Variants in NUCB1 observed in about 807,000 individuals in gnomAD.
NUCB1 encodes nucleobindin 1.
In NUCB1, 47 loss-of-function variants were observed where a neutral mutation model predicts 61.2. That is an observed-to-expected ratio of 0.77 (90% CI 0.61 to 0.98). The LOEUF is 0.98. NUCB1 is among the 50% of genes least tolerant of loss of function. The pLI, the probability that NUCB1 is intolerant of heterozygous loss-of-function variation, is 0.00. For synonymous variants in NUCB1, 234 were observed against 243.1 expected, an observed-to-expected ratio of 0.96 and a Z score of 0.35; for missense variants, 583 against 605.3, an observed-to-expected ratio of 0.96 and a Z score of 0.39.
intron 10 of NUCB1, among the ~76,000 whole-genome samples, chr19:48,920,480 C>T (rs567288010): frequency 4.6e-5 from 7 of 152,230 alleles, no homozygotes; most frequent in African/African-American, 1.7e-4. Context: ...GCACATACCA[C>T]CATGCCCAGC....
chr19:48,918,864 C>T (rs1354517603), intron 8 of NUCB1, 80 bp downstream of exon 8: 3 of 1,418,330 alleles, frequency 2.1e-6, no homozygotes, highest in Non-Finnish European at 2.0e-6. Flanking sequence ...CCCTTAAATC[C>T]CCCTGGATGG....
chr19:48,913,968 CTTT>C (rs767741319), intron 7 of NUCB1, among the ~76,000 whole-genome samples: 4 of 139,286 alleles, frequency 2.9e-5, no homozygotes, highest in Admixed American at 7.3e-5. Context: ...TTTCTTTTTC[CTTT>C]TTTTTTTTTT....
Position 48,908,602 on chromosome 19 carries a change from C to T in NUCB1, c.377-2547C>T, listed in dbSNP as rs113495350. 8.7e-3 allele frequency among the ~76,000 whole-genome samples: 1,303 copies of T among 150,596 alleles called. 25 individuals are homozygous for T. The highest frequency in any genetic ancestry group is 0.03 in the African/African-American group (1,246 of 40,870). ...TCACTCCTCTGGGCTCAGCCAGGGCCGGAGCTGCCTCCACTGCAGCCTAGG... is the reference window on the plus strand; with the variant it reads ...TCACTCCTCTGGGCTCAGCCAGGGCTGGAGCTGCCTCCACTGCAGCCTAGG... On this transcript the variant is annotated intron_variant, in intron 4 of 12. Transcript: ENST00000405315.
chr19:48,922,072 G>C, intron 12 of NUCB1, 140 bp downstream of exon 12: 2 of 748,224 alleles, frequency 2.7e-6, no homozygotes, highest in South Asian at 3.7e-5. Context: ...AAGAGGGACT[G>C]GGGGTCCGGA....
intron 2 of NUCB1, 21 bp from the exon 3 acceptor site, chr19:48,904,326 T>C (rs1250877580): frequency 6.6e-7 from 1 of 1,516,874 alleles, no homozygotes; most frequent in Admixed American, 1.7e-5. Flanking sequence ...GGGGCTGCTA[T>C]GTCTGTCCTT....
Position 48,919,286 on chromosome 19 carries a change from G to C in NUCB1, c.1002G>C (p.Glu334Asp), listed in dbSNP as rs1416052496. 2.5e-6 allele frequency: 4 copies of C among 1,611,732 alleles called. No individual in the cohort carries two copies. Among genetic ancestry groups the C allele is most frequent in the Non-Finnish European group, 2.5e-6 (3 of 1,178,010 alleles). Reference sequence around the variant, plus strand: ...TTGGGGACACCGGGGAGGGCTGGGAGGTGAGAACATGGGGGATACTCGGGG... The same window carrying C: ...TTGGGGACACCGGGGAGGGCTGGGACGTGAGAACATGGGGGATACTCGGGG... The part of the protein sequence containing the change: ...KEFGDTGEGW[E>D]TVEMHPAYTE... The change falls in exon 10 of 13, where the codon GAG becomes GAC. Residue 334 changes from glutamate to aspartate, a missense_variant and splice_region_variant. Transcript: ENST00000405315.
Position 48,919,129 on chromosome 19 carries a change from T to C in NUCB1, c.909+7T>C. On this transcript the variant is annotated splice_region_variant and intron_variant, in intron 9 of 12. Coordinates refer to ENST00000405315, the MANE Select transcript of NUCB1 (RefSeq NM_006184.6). Reference sequence around the variant, plus strand: ...GGAGCATGTGATGAAGAATGTGAGGTGGGGGCCAGGCGGGGGAGAGGACGG... The same window carrying C: ...GGAGCATGTGATGAAGAATGTGAGGCGGGGGCCAGGCGGGGGAGAGGACGG... The C allele has an allele frequency of 6.2e-7, 1 of 1,613,728 alleles. No individual in the cohort carries two copies. The highest frequency in any genetic ancestry group is 1.1e-5 in the South Asian group (1 of 91,070).
intron 7 of NUCB1, among the ~76,000 whole-genome samples, chr19:48,916,194 G>GTT (rs2122198184): frequency 6.6e-6 from 1 of 152,116 alleles, no homozygotes; most frequent in South Asian, 2.1e-4. Context: ...GTGTGTGTGT[G>GTT]TGTGTTTGGC....
At chr19:48,915,075 A>G (rs1424238903) in intron 7 of NUCB1, among the ~76,000 whole-genome samples, 1 of 152,102 alleles carries the variant, frequency 6.6e-6, no homozygotes, top group African/African-American at 2.4e-5. Context: ...GCAACACTCC[A>G]TCTCAAAAAA....
chr19:48,900,674 T>C (rs531144171), intron 1 of NUCB1, 112 bp from the exon 2 acceptor site: 3 of 1,376,222 alleles, frequency 2.2e-6, no homozygotes, highest in South Asian at 2.7e-5. Flanking sequence ...AAAATGCTTG[T>C]GTCTTGATTC....
At chr19:48,915,007 G>A (rs149433333) in intron 7 of NUCB1, among the ~76,000 whole-genome samples, 5,268 of 152,174 alleles carry the variant, frequency 0.035, 135 homozygotes, top group Non-Finnish European at 0.055. Flanking sequence ...TTGAACCCGG[G>A]AGGCAGAGTT....
chr19:48,903,458 T>TTGGATGGATGGGCGGG (rs1568583096), intron 2 of NUCB1, among the ~76,000 whole-genome samples: 1 of 31,820 alleles, frequency 3.1e-5, no homozygotes, highest in East Asian at 6.6e-4. Context: ...GGATGGGTGG[T>TTGGATGGATGGGCGGG]TGGATGGATG....
chr19:48,920,340 T>C (rs1445404627), intron 10 of NUCB1, among the ~76,000 whole-genome samples: 1 of 151,980 alleles, frequency 6.6e-6, no homozygotes, highest in Admixed American at 6.6e-5. Flanking sequence ...TATTTATTAA[T>C]ATTTTTTGAG....
intron 7 of NUCB1, among the ~76,000 whole-genome samples, chr19:48,914,096 C>T (rs1469268675): frequency 1.3e-5 from 2 of 151,898 alleles, no homozygotes; most frequent in African/African-American, 4.8e-5. Context: ...CTGCCTCAGC[C>T]TCCCGAGTAG....
intron 5 of NUCB1, among the ~76,000 whole-genome samples, chr19:48,912,590 C>T (rs918214721): frequency 1.3e-5 from 2 of 152,086 alleles, no homozygotes; most frequent in Non-Finnish European, 2.9e-5. Flanking sequence ...AATCCCAGCA[C>T]TTTGGGAGGC....
chr19:48,917,146 C>T (rs931464533), intron 7 of NUCB1, among the ~76,000 whole-genome samples: 3 of 151,690 alleles, frequency 2.0e-5, no homozygotes, highest in East Asian at 2.0e-4. Flanking sequence ...TCACTTGAGC[C>T]GAGGAGTTCA....
chr19:48,913,334 G>C (rs2037500990), intron 6 of NUCB1, 138 bp downstream of exon 6: 44 of 1,199,842 alleles, frequency 3.7e-5, no homozygotes, highest in Non-Finnish European at 4.8e-5. Flanking sequence ...GCTGCCCCAG[G>C]GTCTGCTGGG....
chr19:48,915,727 C>G (rs1335572954), intron 7 of NUCB1, among the ~76,000 whole-genome samples: 1 of 152,048 alleles, frequency 6.6e-6, no homozygotes, highest in African/African-American at 2.4e-5. Flanking sequence ...TCTCAAACTC[C>G]TTTGCTCAAG....
chr19:48,919,914 G>A (rs1040623037), intron 10 of NUCB1, among the ~76,000 whole-genome samples: 3 of 151,642 alleles, frequency 2.0e-5, no homozygotes, highest in African/African-American at 4.8e-5. Flanking sequence ...GATTACAGGC[G>A]TGAGCCACCA....
Sources: gnomAD v4.1 joint callset for allele counts (sites outside exome capture counted in the v4.1 genomes callset) on GRCh38, gnomAD v4.1.1 for gene constraint, MANE v1.5 for transcripts, NCBI Gene and HGNC (gene_info 2026-07-23, HGNC 2026-07-21) for gene names.